The following INO80 variants were observed in gnomAD, a reference collection of about 807,000 sequenced individuals.
INO80 encodes INO80 complex ATPase subunit.
Under a neutral mutation model 203.4 loss-of-function variants are expected in INO80, and 20 were observed. The ratio of observed to expected loss-of-function variants is 0.10; its 90% CI spans 0.07 to 0.14. The LOEUF (loss-of-function observed/expected upper bound fraction) is 0.14. Among genes scored for constraint, INO80 ranks in the 10% least tolerant of loss-of-function variants. INO80 has a pLI of 1.00. For synonymous variants in INO80, 726 were observed against 685.2 expected (o/e 1.06, Z -0.93); for missense variants, 1,419 against 1,914.4 (o/e 0.74, Z 4.83).
chr15:41,058,841 G>A, intron 15 of INO80, 60 bp from the exon 16 acceptor site: 1 of 1,529,000 alleles, frequency 6.5e-7, no homozygotes, highest in South Asian at 1.2e-5. Flanking sequence ...ATAAGGAACT[G>A]ATGTATGGAC....
At chr15:41,019,416 C>T (rs945999280) in intron 26 of INO80, 2 of 152,120 alleles carry the variant, frequency 1.3e-5, no homozygotes, top group African/African-American at 2.4e-5. Flanking sequence ...GCAAAAAGAA[C>T]TCAGACGCTT....
intron 1 of INO80, among the ~76,000 whole-genome samples, chr15:41,102,931 T>C (rs2045830783): frequency 6.6e-6 from 1 of 152,168 alleles, no homozygotes; most frequent in African/African-American, 2.4e-5. Flanking sequence ...TTAGAAAATC[T>C]CATCTTCTAC....
chr15:41,096,346 C>T lies in INO80; in HGVS notation c.-36G>A, dbSNP rs751669947. On this transcript the variant is annotated 5_prime_UTR_variant, in exon 2 of 36. Coordinates refer to ENST00000648947, the MANE Select transcript of INO80 (RefSeq NM_017553.3). ...TGTCTTCATGCACAAGGACCTCCGACTGCACGGCTGCAGAACAGAGATAAG... is the reference window on the plus strand; with the variant it reads ...TGTCTTCATGCACAAGGACCTCCGATTGCACGGCTGCAGAACAGAGATAAG... 1 of 1,530,996 alleles carries T rather than the reference C, an allele frequency of 6.5e-7. No individual in the cohort carries two copies. The allele number at this position is 1,530,996 out of a possible 1,614,324, so 94.8% of individuals were successfully genotyped here.
intron 29 of INO80, among the ~76,000 whole-genome samples, chr15:40,993,945 G>A (rs1417475916): frequency 6.6e-6 from 1 of 151,918 alleles, no homozygotes; most frequent in Non-Finnish European, 1.5e-5. Flanking sequence ...GAAGCTAGAA[G>A]GATGCATTTA....
At chr15:41,093,911 A>G (rs535568658) in intron 4 of INO80, among the ~76,000 whole-genome samples, 11 of 152,238 alleles carry the variant, frequency 7.2e-5, no homozygotes, top group African/African-American at 2.6e-4. Flanking sequence ...TTATAACTCA[A>G]TTTTTCAAAA....
At chr15:41,066,201 C>G (rs1295598739) in intron 14 of INO80, among the ~76,000 whole-genome samples, 4 of 151,940 alleles carry the variant, frequency 2.6e-5, no homozygotes, top group Non-Finnish European at 4.4e-5. Context: ...TGGTTTAGAA[C>G]TCCCGACCTC....
Position 41,049,406 on chromosome 15 carries a change from C to G in INO80, c.2457G>C (p.Pro819=). The change falls in exon 21 of 36, where the codon CCG becomes CCC. Residue 819 remains proline, a synonymous_variant. Transcript: ENST00000648947. ...VMQFRKVCNH[P]ELFERQETWS... is the part of the protein sequence containing the mutation. ...AAGTTTCTTGCCGTTCAAATAACTC[C>G]GGGTGATTACACACCTAAAAGGAAG... The G allele has an allele frequency of 6.2e-7, 1 of 1,613,774 alleles. No homozygotes were observed. Among genetic ancestry groups the G allele is most frequent in the Non-Finnish European group, 8.5e-7 (1 of 1,179,832 alleles).
At position 40,980,187 on chromosome 15, in the gene INO80, C is replaced by A; in HGVS notation, c.*36G>T. 6 of 1,563,404 alleles carry A rather than the reference C, an allele frequency of 3.8e-6. No individual in the cohort carries two copies. Among genetic ancestry groups the A allele is most frequent in the Non-Finnish European group, 5.3e-6 (6 of 1,135,582 alleles). On this transcript the variant is annotated 3_prime_UTR_variant, in exon 36 of 36. Transcript: ENST00000648947. Reference sequence around the variant, plus strand: ...CCACTGGCAGGTCAGGACTCTAGCCCTGGTTTGGTTGAAGGAAGTCGGAGG... The same window carrying A: ...CCACTGGCAGGTCAGGACTCTAGCCATGGTTTGGTTGAAGGAAGTCGGAGG...
At chr15:41,100,122 T>C (rs1247234337) in intron 1 of INO80, among the ~76,000 whole-genome samples, 1 of 152,174 alleles carries the variant, frequency 6.6e-6, no homozygotes, top group African/African-American at 2.4e-5. Flanking sequence ...TAGCCGAGGC[T>C]GGAATGCTGT....
chr15:41,049,504 T>C (rs2044828441), intron 20 of INO80, 84 bp from the exon 21 acceptor site: 4 of 1,284,872 alleles, frequency 3.1e-6, no homozygotes, highest in Non-Finnish European at 4.4e-6. Context: ...CCCAAATGTT[T>C]ACCTTTGGGA....
chr15:41,070,322 C>A lies in INO80; in HGVS notation c.1686+145G>T, dbSNP rs975282282. 1.9e-5 allele frequency: 13 copies of A among 691,206 alleles called. No individual in the cohort carries two copies. In the African/African-American group the frequency reaches 2.0e-4, roughly 11 times the overall value. 42.8% of individuals were successfully genotyped at this position (691,206 alleles called of 1,614,324 possible). On this transcript the variant is annotated intron_variant, in intron 13 of 35. Transcript: ENST00000648947. Reference sequence around the variant, plus strand: ...AACCAAAAAGTTATAAAACACTGTCCCCTTATAAAGCTCTGAGGCAAGAAC... The same window carrying A: ...AACCAAAAAGTTATAAAACACTGTCACCTTATAAAGCTCTGAGGCAAGAAC...
At chr15:40,992,569 C>G (rs1038458092) in intron 29 of INO80, among the ~76,000 whole-genome samples, 1 of 152,170 alleles carries the variant, frequency 6.6e-6, no homozygotes, top group African/African-American at 2.4e-5. Flanking sequence ...AATCCCAAAG[C>G]TAAATAAATC....
At chr15:40,991,569 A>AT (rs2043817146) in intron 29 of INO80, among the ~76,000 whole-genome samples, 1 of 152,100 alleles carries the variant, frequency 6.6e-6, no homozygotes, top group Admixed American at 6.5e-5. Context: ...ACTAGGAAAG[A>AT]TTAAGGCAAG....
intron 25 of INO80, among the ~76,000 whole-genome samples, chr15:41,023,627 G>A (rs2140472254): frequency 6.6e-6 from 1 of 151,270 alleles, no homozygotes; most frequent in South Asian, 2.1e-4. Flanking sequence ...AAATTAGCTG[G>A]GCATGGTGGT....
At chr15:40,983,103 G>T (rs762957509) in intron 34 of INO80, 26 bp from the exon 35 acceptor site, 5 of 1,513,326 alleles carry the variant, frequency 3.3e-6, no homozygotes, top group Non-Finnish European at 4.5e-6. Context: ...GGCCAAAAGG[G>T]AAAGAAAAAA....
chr15:41,047,028 C>T (rs1454845263), intron 23 of INO80, among the ~76,000 whole-genome samples: 1 of 150,606 alleles, frequency 6.6e-6, no homozygotes, highest in Non-Finnish European at 1.5e-5. Flanking sequence ...AGTGCAATGG[C>T]ATGATCTCAG....
Position 41,049,389 on chromosome 15 carries a change from T to C in INO80, c.2474A>G (p.Gln825Arg). 1 of 1,614,072 alleles carries C rather than the reference T, an allele frequency of 6.2e-7. No individual in the cohort carries two copies. Residue 825 changes from glutamine to arginine, a missense_variant, in exon 21 of 36, where the codon CAA becomes CGA. By Grantham distance (43) the Gln-to-Arg change is conservative. This residue lies in a region of INO80 where 192 missense variants were observed against 406.7 expected (regional missense o/e 0.47). Coordinates refer to ENST00000648947, the MANE Select transcript of INO80 (RefSeq NM_017553.3). ...AATATGAAATGGAGACCAAGTTTCT[T>C]GCCGTTCAAATAACTCCGGGTGATT... is the stretch of plus-strand genomic sequence containing the variant. ...VCNHPELFER[Q>R]ETWSPFHISL...
intron 1 of INO80, among the ~76,000 whole-genome samples, chr15:41,112,063 T>A (rs2140718220): frequency 6.6e-6 from 1 of 152,062 alleles, no homozygotes; most frequent in South Asian, 2.1e-4. Context: ...GCCACCCTAG[T>A]CCAAAAATTT....
intron 1 of INO80, among the ~76,000 whole-genome samples, chr15:41,111,399 T>C (rs28613002): frequency 0.39 from 59,350 of 151,888 alleles, 11,725 homozygotes; most frequent in South Asian, 0.48. Context: ...TGAGCCAAGA[T>C]GGCGCCACTG....
Sources: gnomAD v4.1 joint callset for allele counts (sites outside exome capture counted in the v4.1 genomes callset) on GRCh38, gnomAD v4.1.1 for gene constraint, gnomAD v4.1.1 regional missense constraint, MANE v1.5 for transcripts, NCBI Gene and HGNC (gene_info 2026-07-23, HGNC 2026-07-21) for gene names.